Variants in CNTN3 observed in about 807,000 individuals in gnomAD.
CNTN3 encodes contactin 3, also known as contactin-3.
A neutral mutation model predicts 119.1 loss-of-function variants in CNTN3; 60 were observed. The observed-to-expected ratio is 0.50, with a 90% CI of 0.41 to 0.62. The LOEUF is 0.62. Ranked by LOEUF, CNTN3 falls within the 20% of genes least tolerant of loss-of-function variation. The pLI is 0.00. For missense variants in CNTN3, 1,101 were observed against 1,242.4 expected (o/e 0.89, Z 1.71); for synonymous variants, 450 against 438.7 (o/e 1.03, Z -0.32).
At chr3:74,318,445 G>A (rs959271350) in intron 13 of CNTN3, among the ~76,000 whole-genome samples, 18 of 152,050 alleles carry the variant, frequency 1.2e-4, no homozygotes, top group Non-Finnish European at 7.4e-5. Flanking sequence ...TTTCTGCTCT[G>A]TTTTTTTGCC....
chr3:74,335,866 T>C (rs1043424203), intron 12 of CNTN3, among the ~76,000 whole-genome samples: 2 of 152,122 alleles, frequency 1.3e-5, no homozygotes, highest in African/African-American at 2.4e-5. Flanking sequence ...AAATCTCTCC[T>C]TCTCAGTGAG....
In CNTN3 at chr3:74,356,574, C is replaced by T. The variant is rs1172029166; in HGVS notation, c.1364+5316G>A. Among the ~76,000 whole-genome samples, 5 of 152,018 alleles carry T rather than the reference C, an allele frequency of 3.3e-5. No individual in the cohort carries two copies. The South Asian group carries it at 8.3e-4, about 25-fold the overall frequency. The stretch of plus-strand genomic sequence containing the variant: ...CCTGAAAAGCTACAAACAATGGCAT[C>T]GATGTATCTGATAAATAATAAATAC... On this transcript the variant is annotated intron_variant, in intron 11 of 22. Transcript: ENST00000263665.
chr3:74,308,025 T>C (rs1702599352), intron 13 of CNTN3, among the ~76,000 whole-genome samples: 1 of 152,128 alleles, frequency 6.6e-6, no homozygotes, highest in African/African-American at 2.4e-5. Flanking sequence ...TACATGTAAA[T>C]CATCTCCAGG....
intron 5 of CNTN3, among the ~76,000 whole-genome samples, chr3:74,389,718 T>C (rs779789117): frequency 7.9e-5 from 12 of 152,052 alleles, no homozygotes; most frequent in Non-Finnish European, 1.2e-4. Flanking sequence ...GGAAGCAGGG[T>C]CTGAACCCAG....
At chr3:74,292,240 T>C (rs1183502445) in intron 19 of CNTN3, among the ~76,000 whole-genome samples, 2 of 152,226 alleles carry the variant, frequency 1.3e-5, no homozygotes, top group Non-Finnish European at 2.9e-5. Context: ...TTCTGAGGGA[T>C]GTCTCACACC....
In CNTN3 at chr3:74,424,866, C is replaced by T. The variant is rs976661825; in HGVS notation, c.433G>A (p.Gly145Ser). ...TTACCTCCAGAGTGTGGTGGGGGGC[C>T]GCAGAGCAGCACAACTCCCTGGCCT... ...REGQGVVLLCGPPPHSGELSY... is the reference protein window; with the variant it reads ...REGQGVVLLCSPPPHSGELSY... Residue 145 changes from glycine to serine, a missense_variant, in exon 5 of 23, where the codon GGC becomes AGC. Transcript: ENST00000263665. 8 of 1,613,398 alleles carry T rather than the reference C, an allele frequency of 5.0e-6. No homozygotes were observed. Among genetic ancestry groups the T allele is most frequent in the South Asian group, 1.1e-5 (1 of 91,032 alleles).
At chr3:74,438,912 T>C (rs1228374917) in intron 4 of CNTN3, among the ~76,000 whole-genome samples, 2 of 152,144 alleles carry the variant, frequency 1.3e-5, no homozygotes, top group East Asian at 3.9e-4. Context: ...AACACAAAAA[T>C]ATTGAACACA....
At chr3:74,404,293 C>T (rs1705268485) in intron 5 of CNTN3, among the ~76,000 whole-genome samples, 2 of 152,038 alleles carry the variant, frequency 1.3e-5, no homozygotes, top group African/African-American at 4.8e-5. Context: ...AACTTACAAA[C>T]ATTTTTTTAA....
intron 1 of CNTN3, among the ~76,000 whole-genome samples, chr3:74,593,818 G>A (rs2106691202): frequency 6.6e-6 from 1 of 152,070 alleles, no homozygotes; most frequent in Admixed American, 6.6e-5. Context: ...TGTGAGAAAT[G>A]CCTCACGGAC....
At position 74,267,588 on chromosome 3, in the gene CNTN3, G is replaced by A. The variant is rs1182792379; in HGVS notation, c.2705-210C>T. ...CATTTCATTCATACACCAAACCCCC[G>A]TGACACGTAATTTATTCATGTAACA... is the stretch of plus-strand genomic sequence containing the variant. On this transcript the variant is annotated intron_variant, in intron 20 of 22. Coordinates refer to ENST00000263665, the MANE Select transcript of CNTN3 (RefSeq NM_020872.3). 1.7e-5 allele frequency: 8 copies of A among 476,074 alleles called. No homozygotes were observed. In the East Asian group the frequency reaches 2.6e-4, roughly 15 times the overall value. The allele number at this position is 476,074 out of a possible 1,614,324, so 29.5% of individuals were successfully genotyped here.
chr3:74,471,485 A>G (rs1702565735), intron 4 of CNTN3, among the ~76,000 whole-genome samples: 1 of 152,172 alleles, frequency 6.6e-6, no homozygotes, highest in African/African-American at 2.4e-5. Context: ...CTAGTTTTCT[A>G]TTCTCCTTGT....
In CNTN3 at chr3:74,351,272, C is replaced by T. The variant is rs541353720; in HGVS notation, c.1364+10618G>A. On this transcript the variant is annotated intron_variant, in intron 11 of 22. Coordinates refer to ENST00000263665, the MANE Select transcript of CNTN3 (RefSeq NM_020872.3). Reference sequence around the variant, plus strand: ...ACAGAATGTGAGAGAAACGGGGCAGCGACAAAGTTGGAAATAATTTGTCCA... The same window carrying T: ...ACAGAATGTGAGAGAAACGGGGCAGTGACAAAGTTGGAAATAATTTGTCCA... Among the ~76,000 whole-genome samples, 511 of 152,280 alleles carry T rather than the reference C, an allele frequency of 3.4e-3. 5 individuals carry two copies. Among genetic ancestry groups the T allele is most frequent in the Non-Finnish European group, 5.4e-3 (367 of 68,026 alleles).
intron 5 of CNTN3, among the ~76,000 whole-genome samples, chr3:74,406,523 T>G (rs1306618872): frequency 6.6e-6 from 1 of 152,016 alleles, no homozygotes; most frequent in East Asian, 1.9e-4. Context: ...TTGAAAAAAA[T>G]CACACTGAAC....
intron 3 of CNTN3, among the ~76,000 whole-genome samples, chr3:74,491,335 C>CG (rs143966851): frequency 1.3e-5 from 2 of 149,618 alleles, no homozygotes; most frequent in Non-Finnish European, 1.5e-5. Context: ...ACCATCTTTA[C>CG]AAAAAAAAAA....
At chr3:74,468,646 G>T (rs950372533) in intron 4 of CNTN3, among the ~76,000 whole-genome samples, 9 of 152,088 alleles carry the variant, frequency 5.9e-5, no homozygotes, top group Middle Eastern at 3.2e-3. Context: ...CAAACCCACA[G>T]CTGAGAACAA....
intron 19 of CNTN3, among the ~76,000 whole-genome samples, chr3:74,286,460 T>TA (rs1702117707): frequency 2.6e-5 from 4 of 151,944 alleles, no homozygotes; most frequent in Non-Finnish European, 5.9e-5. Context: ...TTACAATTAT[T>TA]AAAAAAATAA....
intron 2 of CNTN3, among the ~76,000 whole-genome samples, chr3:74,511,087 T>C (rs1036755537): frequency 5.3e-5 from 8 of 152,152 alleles, no homozygotes; most frequent in Non-Finnish European, 1.0e-4. Flanking sequence ...CTTCTTAAAT[T>C]TGGATCAAAG....
At chr3:74,592,577 A>G (rs1381557017) in intron 1 of CNTN3, among the ~76,000 whole-genome samples, 1 of 151,934 alleles carries the variant, frequency 6.6e-6, no homozygotes, top group Non-Finnish European at 1.5e-5. Flanking sequence ...AGACTTCAGA[A>G]AGTAGCTGGC....
At chr3:74,536,627 C>T (rs914203279) in intron 1 of CNTN3, among the ~76,000 whole-genome samples, 1 of 152,068 alleles carries the variant, frequency 6.6e-6, no homozygotes, top group Non-Finnish European at 1.5e-5. Flanking sequence ...CTGGAATGAA[C>T]TTGGCAATTT....
Sources: gnomAD v4.1 joint callset for allele counts (sites outside exome capture counted in the v4.1 genomes callset) on GRCh38, gnomAD v4.1.1 for gene constraint, MANE v1.5 for transcripts, NCBI Gene and HGNC (gene_info 2026-07-23, HGNC 2026-07-21) for gene names.